CPA6: variants seen among roughly 807,000 people sequenced by gnomAD.
CPA6 encodes the protein carboxypeptidase B.
In CPA6, 58 loss-of-function variants were observed where a neutral mutation model predicts 63.3. The observed-to-expected ratio is 0.92, with a 90% CI of 0.74 to 1.14. CPA6 has a LOEUF of 1.14. Ranked by LOEUF, CPA6 falls within the 50% of genes most tolerant of loss-of-function variation. CPA6 has a pLI of 0.00. For missense variants in CPA6, 565 were observed against 526.6 expected, an observed-to-expected ratio of 1.07 and a Z score of -0.71; for synonymous variants, 185 against 179.0, an observed-to-expected ratio of 1.03 and a Z score of -0.27.
intron 2 of CPA6, among the ~76,000 whole-genome samples, chr8:67,595,569 A>C (rs1028728452): frequency 1.2e-4 from 19 of 152,172 alleles, no homozygotes; most frequent in Non-Finnish European, 2.2e-4. Flanking sequence ...TTGTTTACCT[A>C]AGCGAGCCTG....
chr8:67,449,354 C>A (rs1810504189), intron 8 of CPA6, among the ~76,000 whole-genome samples: 1 of 152,238 alleles, frequency 6.6e-6, no homozygotes. Context: ...CCCTAACAAT[C>A]TACAGCAGCA....
chr8:67,447,125 CAT>C (rs1003165105), intron 8 of CPA6, among the ~76,000 whole-genome samples: 36 of 151,228 alleles, frequency 2.4e-4, no homozygotes, highest in African/African-American at 7.3e-4. Context: ...CACACACACA[CAT>C]ATATATATAC....
intron 2 of CPA6, among the ~76,000 whole-genome samples, chr8:67,536,607 G>T (rs1812590096): frequency 6.6e-6 from 1 of 152,242 alleles, no homozygotes; most frequent in East Asian, 1.9e-4. Flanking sequence ...CTGAGACGAT[G>T]GGATTTTCTA....
intron 6 of CPA6, among the ~76,000 whole-genome samples, chr8:67,506,425 T>C (rs1290880529): frequency 6.6e-6 from 1 of 152,222 alleles, no homozygotes; most frequent in Non-Finnish European, 1.5e-5. Context: ...ATGTAGAACT[T>C]TCTGAGCTGG....
chr8:67,511,546 C>T lies in CPA6; in HGVS notation c.427G>A (p.Glu143Lys), dbSNP rs958262379. The change falls in exon 4 of 11, where the codon GAA becomes AAA. Residue 143 changes from glutamate to lysine, a missense_variant. Glu to Lys is a moderately conservative substitution (Grantham distance 56). Transcript: ENST00000297770. Reference sequence around the variant, plus strand: ...AAGCTCTTTTGATTACATACTTCTTCTAAGGAGTGATAAACTTCATAATTA... The same window carrying T: ...AAGCTCTTTTGATTACATACTTCTTTTAAGGAGTGATAAACTTCATAATTA... ...GYNYEVYHSL[E>K]EIQNWMHHLN... is the part of the protein sequence containing the mutation. The T allele has an allele frequency of 1.3e-6, 2 of 1,565,566 alleles. No individual in the cohort carries two copies. Among genetic ancestry groups the T allele is most frequent in the Non-Finnish European group, 8.8e-7 (1 of 1,136,236 alleles).
intron 8 of CPA6, among the ~76,000 whole-genome samples, chr8:67,466,084 GTTTTTTTTTT>G (rs561313512): frequency 1.0e-5 from 1 of 96,098 alleles, no homozygotes; most frequent in Non-Finnish European, 2.2e-5. Context: ...TCTGAGGCTT[GTTTTTTTTTT>G]TTTTTTTTTG....
intron 2 of CPA6, among the ~76,000 whole-genome samples, chr8:67,618,539 TAG>T (rs1815009517): frequency 6.6e-6 from 1 of 152,164 alleles, no homozygotes; most frequent in Non-Finnish European, 1.5e-5. Context: ...CTAGCAAGTA[TAG>T]TTTTCCCCAT....
At chr8:67,692,334 A>G (rs1268520756) in intron 1 of CPA6, among the ~76,000 whole-genome samples, 1 of 148,516 alleles carries the variant, frequency 6.7e-6, no homozygotes. Flanking sequence ...GTCTCAAAAA[A>G]AAAAAAAAAA....
chr8:67,541,498 A>T (rs1812703107), intron 2 of CPA6, among the ~76,000 whole-genome samples: 1 of 152,100 alleles, frequency 6.6e-6, no homozygotes, highest in Non-Finnish European at 1.5e-5. Context: ...TTACTGGTGC[A>T]TGCAGCCCCC....
chr8:67,585,991 T>C (rs1312866125), intron 2 of CPA6, among the ~76,000 whole-genome samples: 3 of 152,020 alleles, frequency 2.0e-5, no homozygotes, highest in Admixed American at 2.0e-4. Flanking sequence ...CTAGGCAGAA[T>C]AGTAGGGATG....
At chr8:67,471,722 C>T (rs1169240759) in intron 8 of CPA6, among the ~76,000 whole-genome samples, 2 of 152,116 alleles carry the variant, frequency 1.3e-5, no homozygotes, top group African/African-American at 4.8e-5. Flanking sequence ...TTACCTACAT[C>T]TGTGTTTGAG....
At chr8:67,653,227 C>T (rs2128991701) in intron 1 of CPA6, among the ~76,000 whole-genome samples, 1 of 151,946 alleles carries the variant, frequency 6.6e-6, no homozygotes, top group Non-Finnish European at 1.5e-5. Context: ...GATGTGGGCT[C>T]TTTTTTGGTT....
chr8:67,677,115 G>A (rs1235187342), intron 1 of CPA6, among the ~76,000 whole-genome samples: 2 of 152,168 alleles, frequency 1.3e-5, no homozygotes, highest in Non-Finnish European at 2.9e-5. Context: ...GAGTTGCACA[G>A]GGTACAACCT....
At chr8:67,574,377 A>G (rs1375965120) in intron 2 of CPA6, among the ~76,000 whole-genome samples, 7 of 115,698 alleles carry the variant, frequency 6.1e-5, no homozygotes, top group Admixed American at 8.2e-5. Context: ...ACTCTGTCTC[A>G]AAAAAAAAAA....
chr8:67,488,071 T>A (rs1811522549), intron 6 of CPA6, among the ~76,000 whole-genome samples: 1 of 152,210 alleles, frequency 6.6e-6, no homozygotes, highest in Non-Finnish European at 1.5e-5. Flanking sequence ...ATCCCATTTG[T>A]CTATTTTGGC....
At chr8:67,552,861 A>G in intron 2 of CPA6, among the ~76,000 whole-genome samples, 1 of 151,838 alleles carries the variant, frequency 6.6e-6, no homozygotes, top group Admixed American at 6.6e-5. Context: ...AAAAGAATAA[A>G]GGAAATCAAT....
intron 6 of CPA6, among the ~76,000 whole-genome samples, chr8:67,486,853 G>A (rs934334084): frequency 6.6e-5 from 10 of 151,346 alleles, no homozygotes; most frequent in Non-Finnish European, 1.3e-4. Flanking sequence ...TTAACATTTT[G>A]TTGTTGTTGA....
At chr8:67,745,681 T>C (rs1022058665) in intron 1 of CPA6, among the ~76,000 whole-genome samples, 1 of 152,136 alleles carries the variant, frequency 6.6e-6, no homozygotes, top group Non-Finnish European at 1.5e-5. Flanking sequence ...ATAAATCATG[T>C]AGGACAACAG....
chr8:67,604,479 C>T (rs1814575307), intron 2 of CPA6, among the ~76,000 whole-genome samples: 1 of 152,144 alleles, frequency 6.6e-6, no homozygotes, highest in Non-Finnish European at 1.5e-5. Context: ...GCGTCCCTTA[C>T]CTTTTTCCCT....
Sources: gnomAD v4.1 joint callset for allele counts (sites outside exome capture counted in the v4.1 genomes callset) on GRCh38, gnomAD v4.1.1 for gene constraint, MANE v1.5 for transcripts, NCBI Gene and HGNC (gene_info 2026-07-23, HGNC 2026-07-21) for gene names.